UGT1A7: variants seen among roughly 807,000 people sequenced by gnomAD.
The protein encoded by UGT1A7 is UDP-glucuronosyltransferase 1A7.
Under a neutral mutation model 45.6 loss-of-function variants are expected in UGT1A7, and 33 were observed. The ratio of observed to expected loss-of-function variants is 0.72; its 90% confidence interval spans 0.55 to 0.97. The LOEUF is 0.97. Among genes scored for constraint, UGT1A7 ranks in the 50% least tolerant of loss-of-function variants. The pLI is 0.00. For missense variants in UGT1A7, 684 were observed against 666.2 expected (o/e 1.03, Z -0.29); for synonymous variants, 274 against 250.6 (o/e 1.09, Z -0.88).
At position 233,691,322 on chromosome 2, in the gene UGT1A7, C is replaced by T. The variant is rs564779724; in HGVS notation, c.855+8530C>T. Reference sequence around the variant, plus strand: ...AATCCTCTTGGGAGGCTGCTCCCAGCTTGGACTGAGCTGAGTCTTCGCATG... The same window carrying T: ...AATCCTCTTGGGAGGCTGCTCCCAGTTTGGACTGAGCTGAGTCTTCGCATG... On this transcript the variant is annotated intron_variant, in intron 1 of 4. Transcript: ENST00000373426. 1.4e-5 allele frequency: 14 copies of T among 985,554 alleles called. No individual in the cohort carries two copies. In the South Asian group the frequency reaches 5.6e-4, roughly 40 times the overall value. The allele number at this position is 985,554 out of a possible 1,614,324, so 61.1% of individuals were successfully genotyped here.
chr2:233,751,206 C>G (rs1365392073), intron 1 of UGT1A7, among the ~76,000 whole-genome samples: 1 of 151,962 alleles, frequency 6.6e-6, no homozygotes, highest in Non-Finnish European at 1.5e-5. Flanking sequence ...AATTTTGGAG[C>G]TTTAAGATTT....
intron 1 of UGT1A7, chr2:233,753,430 GGTTAAT>G (rs1304983962): frequency 6.6e-6 from 1 of 152,150 alleles, no homozygotes; most frequent in African/African-American, 2.4e-5. Flanking sequence ...AGTATTTGTT[GGTTAAT>G]GATGTGTTCA....
chr2:233,759,396 C>T (rs1317272404), intron 1 of UGT1A7, among the ~76,000 whole-genome samples: 1 of 152,086 alleles, frequency 6.6e-6, no homozygotes, highest in African/African-American at 2.4e-5. Context: ...TCAGAGTAAC[C>T]GTGTGACCTG....
intron 1 of UGT1A7, among the ~76,000 whole-genome samples, chr2:233,703,677 A>T (rs2075747505): frequency 6.6e-6 from 1 of 151,838 alleles, no homozygotes; most frequent in Admixed American, 6.6e-5. Flanking sequence ...TTCATGATAT[A>T]TTTTTTTTCC....
At chr2:233,757,245 G>C (rs113985508) in intron 1 of UGT1A7, among the ~76,000 whole-genome samples, 3 of 149,596 alleles carry the variant, frequency 2.0e-5, no homozygotes, top group African/African-American at 7.4e-5. Context: ...GTGGTGAGGT[G>C]GGGTTATTCA....
In UGT1A7 at chr2:233,769,728, GCCTGT is replaced by G. The variant is rs1290172672; in HGVS notation, c.1295+1290_1295+1294del. The G allele has an allele frequency of 6.8e-7, 1 of 1,472,430 alleles. No individual in the cohort carries two copies. Among genetic ancestry groups the G allele is most frequent in the African/African-American group, 1.4e-5 (1 of 71,662 alleles). 91.2% of individuals were successfully genotyped at this position (1,472,430 alleles called of 1,614,324 possible). A position where few individuals can be genotyped will look rare whatever the true frequency, so the allele number is the denominator to read the frequency against. On this transcript the variant is annotated intron_variant, in intron 4 of 4. Coordinates refer to ENST00000373426, the MANE Select transcript of UGT1A7 (RefSeq NM_019077.3). This position sits in a 1 kb window ranked among gnomAD's most constrained non-coding sequence, Gnocchi z 4.4. ...ATGTTGGCTAGGCACCATGGCACAC[GCCTGT>G]AGTCCCAGCCACTCTGGAGGCTAAG...
rs551912265 is a variant in UGT1A7 at position 233,725,264 on chromosome 2, G to GGAGGCAGAGGCAGAGGCA, written c.856-41734_856-41717dup. On this transcript the variant is annotated intron_variant, in intron 1 of 4. Transcript: ENST00000373426. The stretch of plus-strand genomic sequence containing the variant: ...CAGAGGCAGAGGAGGCAGAGGCAGA[G>GGAGGCAGAGGCAGAGGCA]GAGGCAGAGGCAGAGGCAGAGGCAG... Among the ~76,000 whole-genome samples, 12 of 58,548 alleles carry GGAGGCAGAGGCAGAGGCA rather than the reference G, an allele frequency of 2.0e-4. 2 individuals are homozygous for GGAGGCAGAGGCAGAGGCA. The highest frequency in any genetic ancestry group is 1.1e-3 in the Admixed American group (7 of 6,532). 38.4% of individuals were successfully genotyped at this position (58,548 alleles called of 152,430 possible). A position where few individuals can be genotyped will look rare whatever the true frequency, so the allele number is the denominator to read the frequency against.
chr2:233,722,321 T>A (rs28899187), intron 1 of UGT1A7, among the ~76,000 whole-genome samples: 12,148 of 152,290 alleles, frequency 0.08, 622 homozygotes, highest in East Asian at 0.2. Flanking sequence ...TTGGTTTGGT[T>A]GACCCTTAGA....
intron 1 of UGT1A7, chr2:233,747,623 G>T: frequency 6.3e-7 from 1 of 1,577,752 alleles, no homozygotes; most frequent in Admixed American, 1.7e-5. Context: ...ATGAGGCCCT[G>T]ATCAGGCACC....
chr2:233,760,336 C>A (rs1472715638), intron 1 of UGT1A7: 1 of 1,614,048 alleles, frequency 6.2e-7, no homozygotes. Context: ...GGGCCTGCTG[C>A]TGTGTGTGCT....
chr2:233,722,936 C>A (rs1348734383), intron 1 of UGT1A7, among the ~76,000 whole-genome samples: 1 of 147,750 alleles, frequency 6.8e-6, no homozygotes, highest in Non-Finnish European at 1.5e-5. Flanking sequence ...TGTCTCCATG[C>A]TGAGTGGGCT....
At chr2:233,691,734 G>A in intron 1 of UGT1A7, 2 of 735,248 alleles carry the variant, frequency 2.7e-6, no homozygotes, top group Non-Finnish European at 3.3e-6. Flanking sequence ...TGGGCCAGAA[G>A]CAGATACCAG....
At chr2:233,743,262 C>T (rs764022501) in intron 1 of UGT1A7, 18 of 451,920 alleles carry the variant, frequency 4.0e-5, no homozygotes, top group Non-Finnish European at 7.5e-5. Context: ...CTCCATCTTC[C>T]TCCACTTCCA....
At chr2:233,759,599 A>ACCCCCCCCCCCCCC (rs1553620419) in intron 1 of UGT1A7, among the ~76,000 whole-genome samples, 9 of 108,650 alleles carry the variant, frequency 8.3e-5, no homozygotes, top group African/African-American at 2.6e-4. Flanking sequence ...CCCACCCCCG[A>ACCCCCCCCCCCCCC]CCCGCCCCAC....
At chr2:233,693,601 T>A (rs777955956) in intron 1 of UGT1A7, 17 of 1,614,056 alleles carry the variant, frequency 1.1e-5, no homozygotes, top group Non-Finnish European at 1.2e-5. Flanking sequence ...ACACAAAGTT[T>A]TCAGACCACA....
rs200710764 is a variant in UGT1A7, at chr2:233,747,984, C to T, written c.856-19050C>T. ...CAGCCATGCATCTGTGTGGCTGTTC[C>T]GAGGGGACTTTGTGATGGATTACCC... On this transcript the variant is annotated intron_variant, in intron 1 of 4. Transcript: ENST00000373426. 917 of 1,613,424 alleles carry T rather than the reference C, an allele frequency of 5.7e-4. 5 individuals carry two copies. The highest frequency in any genetic ancestry group is 6.2e-4 in the Non-Finnish European group (735 of 1,179,898).
chr2:233,766,731 T>C (rs1699235503), intron 1 of UGT1A7, among the ~76,000 whole-genome samples: 1 of 152,174 alleles, frequency 6.6e-6, no homozygotes, highest in African/African-American at 2.4e-5. Flanking sequence ...TATCACTGTG[T>C]GTATGTACAG....
rs1429453691 is a variant in UGT1A7, at chr2:233,751,746, G to C, written c.856-15288G>C. ...AACTCTTCCTCTCTGTTTCTCTCTT[G>C]CTTGCTGCCATGTGAGACATGACTT... On this transcript the variant is annotated intron_variant, in intron 1 of 4. Transcript: ENST00000373426. Among the ~76,000 whole-genome samples, 3 of 152,060 alleles carry C rather than the reference G, an allele frequency of 2.0e-5. No homozygotes were observed. The East Asian group carries it at 5.8e-4, about 29-fold the overall frequency.
intron 1 of UGT1A7, among the ~76,000 whole-genome samples, chr2:233,683,670 A>G (rs181251858): frequency 6.6e-6 from 1 of 152,222 alleles, no homozygotes; most frequent in East Asian, 1.9e-4. Context: ...CATCTTTCTT[A>G]TTAACCTTTA....
Sources: allele counts gnomAD v4.1 joint callset (sites outside exome capture counted in the v4.1 genomes callset), GRCh38; gene constraint gnomAD v4.1.1; non-coding constraint Gnocchi (gnomAD v3.1); transcripts MANE v1.5; gene names NCBI Gene and HGNC (gene_info 2026-07-23, HGNC 2026-07-21).